The following NFATC2 variants were observed in gnomAD, a reference collection of about 807,000 sequenced individuals.
NFATC2 encodes nuclear factor of activated T cells 2.
In NFATC2, 22 loss-of-function variants were observed where a neutral mutation model predicts 87.3. The observed-to-expected ratio is 0.25, with a 90% confidence interval of 0.18 to 0.36. The LOEUF (loss-of-function observed/expected upper bound fraction) is 0.36, where lower values mean the gene tolerates loss of function less well. Among genes scored for constraint, NFATC2 ranks in the 10% least tolerant of loss-of-function variants. NFATC2 has a pLI of 1.00. For synonymous variants in NFATC2, 565 were observed against 542.2 expected (o/e 1.04, Z -0.58); for missense variants, 1,149 against 1,259.1 (o/e 0.91, Z 1.32).
At chr20:51,532,620 C>G (rs1381741162) in intron 1 of NFATC2, among the ~76,000 whole-genome samples, 1 of 152,230 alleles carries the variant, frequency 6.6e-6, no homozygotes, top group Non-Finnish European at 1.5e-5. Context: ...GCTCTGTGAG[C>G]CTGTTGCTCA....
chr20:51,448,031 A>G (rs74384992), intron 6 of NFATC2, among the ~76,000 whole-genome samples: 3 of 152,202 alleles, frequency 2.0e-5, no homozygotes, highest in East Asian at 3.8e-4. Context: ...CATTCATTCA[A>G]CAACACAAAT....
chr20:51,474,699 C>A (rs1284215230), intron 4 of NFATC2, among the ~76,000 whole-genome samples: 1 of 152,162 alleles, frequency 6.6e-6, no homozygotes, highest in African/African-American at 2.4e-5. Context: ...TCTTTGTACA[C>A]TTCTTGCAGT....
chr20:51,432,039 A>G lies in NFATC2; in HGVS notation c.2722+28T>C. ...AGATGCTTCAGGGCACCATCCTTACAGGCAGTGACAAAACTCAAGCGTCTT... is the reference window on the plus strand; with the variant it reads ...AGATGCTTCAGGGCACCATCCTTACGGGCAGTGACAAAACTCAAGCGTCTT... On this transcript the variant is annotated intron_variant, in intron 9 of 10. Coordinates refer to ENST00000371564, the MANE Select transcript of NFATC2 (RefSeq NM_012340.5). This position sits in a 1 kb window ranked among gnomAD's most constrained non-coding sequence, Gnocchi z 4.6. 6.6e-7 allele frequency: 1 copy of G among 1,510,304 alleles called. No homozygotes were observed. Among genetic ancestry groups the G allele is most frequent in the East Asian group, 2.3e-5 (1 of 43,830 alleles). The allele number at this position is 1,510,304 out of a possible 1,614,324, so 93.6% of individuals were successfully genotyped here.
chr20:51,525,990 T>A (rs2076540025), intron 1 of NFATC2, among the ~76,000 whole-genome samples: 1 of 131,618 alleles, frequency 7.6e-6, no homozygotes, highest in Non-Finnish European at 1.6e-5. Flanking sequence ...TTCGCCGTAC[T>A]TAAGCAGCTC....
intron 1 of NFATC2, among the ~76,000 whole-genome samples, chr20:51,533,518 A>C (rs188969434): frequency 6.6e-5 from 10 of 152,374 alleles, no homozygotes; most frequent in Admixed American, 6.5e-4. Flanking sequence ...CATCTGGATA[A>C]ATCAGGTCCA....
At position 51,542,703 on chromosome 20, in the gene NFATC2, G is replaced by C. The variant is rs2076841968; in HGVS notation, c.-204C>G. The C allele has an allele frequency of 1.9e-6, 2 of 1,080,816 alleles. No homozygotes were observed. The highest frequency in any genetic ancestry group is 2.2e-6 in the Non-Finnish European group (2 of 892,826). 67.0% of individuals were successfully genotyped at this position (1,080,816 alleles called of 1,614,324 possible). On this transcript the variant is annotated 5_prime_UTR_variant, in exon 1 of 11. Coordinates refer to ENST00000371564, the MANE Select transcript of NFATC2 (RefSeq NM_012340.5). The stretch of plus-strand genomic sequence containing the variant: ...GAAGCTGAGCGGCGGCGGCGACGGC[G>C]GCGCGAGCTTCCTGCTCCGGAGGCA...
chr20:51,441,563 A>C (rs1984340620), intron 6 of NFATC2, among the ~76,000 whole-genome samples: 1 of 151,538 alleles, frequency 6.6e-6, no homozygotes, highest in Non-Finnish European at 1.5e-5. Flanking sequence ...TAAAAATACA[A>C]AAAATTAGCT....
chr20:51,398,206 G>A (rs771476287), intron 10 of NFATC2, among the ~76,000 whole-genome samples: 15 of 152,162 alleles, frequency 9.9e-5, no homozygotes, highest in Admixed American at 2.0e-4. Flanking sequence ...TAAGCACAGG[G>A]CGGGGCTTCC....
chr20:51,476,439 G>C (rs1460321746), intron 3 of NFATC2, among the ~76,000 whole-genome samples: 1 of 152,056 alleles, frequency 6.6e-6, no homozygotes, highest in South Asian at 2.1e-4. Flanking sequence ...TTAGCACATA[G>C]AATATATGAA....
At chr20:51,461,204 G>A (rs1169191839) in intron 5 of NFATC2, among the ~76,000 whole-genome samples, 1 of 152,202 alleles carries the variant, frequency 6.6e-6, no homozygotes, top group Non-Finnish European at 1.5e-5. Flanking sequence ...TGGGGTGACA[G>A]GTCCAGGGTG....
intron 1 of NFATC2, among the ~76,000 whole-genome samples, chr20:51,533,113 G>A (rs1446678840): frequency 6.6e-6 from 1 of 152,230 alleles, no homozygotes; most frequent in African/African-American, 2.4e-5. Context: ...TCTGTAGCCG[G>A]AGGAAAGGGG....
rs140002597 is a variant in NFATC2, at chr20:51,523,156, T to C, written c.1085A>G (p.Asn362Ser). Reference sequence around the variant, plus strand: ...CAGCAGGATGGATTCTGGAGCCGAGTTTCTCCTCTCGCCCTGCTCGCAGGG... The same window carrying C: ...CAGCAGGATGGATTCTGGAGCCGAGCTTCTCCTCTCGCCCTGCTCGCAGGG... ...LGPCEQGERR[N>S]SAPESILLVP... is the part of the protein sequence containing the mutation. The change falls in exon 2 of 11, where the codon AAC (asparagine) becomes AGC (serine). Residue 362 changes from asparagine (N) to serine (S), a missense_variant. By Grantham distance (46) the Asn-to-Ser change is conservative. Around this residue, in one of 3 missense-constraint regions of NFATC2, gnomAD observed 563 missense variants for 585.2 expected, o/e 0.96. Transcript: ENST00000371564. The surrounding 1 kb of genome is among the most constrained non-coding windows in gnomAD (Gnocchi z 6.9). 1 of 1,613,986 alleles carries C rather than the reference T, an allele frequency of 6.2e-7. No individual in the cohort carries two copies. The highest frequency in any genetic ancestry group is 1.3e-5 in the African/African-American group (1 of 74,898).
chr20:51,536,819 G>C (rs2076728166), intron 1 of NFATC2, among the ~76,000 whole-genome samples: 1 of 152,166 alleles, frequency 6.6e-6, no homozygotes. Context: ...ACTCAACACA[G>C]AAGGCAATGT....
chr20:51,481,167 TC>T (rs1989221864), intron 3 of NFATC2, among the ~76,000 whole-genome samples: 1 of 152,172 alleles, frequency 6.6e-6, no homozygotes, highest in African/African-American at 2.4e-5. Flanking sequence ...CCTCGCCAGG[TC>T]CCTGGAGGTT....
At chr20:51,548,833 T>C (rs975847760) in intron 1 of NFATC2, among the ~76,000 whole-genome samples, 1 of 152,244 alleles carries the variant, frequency 6.6e-6, no homozygotes, top group African/African-American at 2.4e-5. Context: ...GTCCCTTCTT[T>C]GCTCAGCTTT....
At chr20:51,446,889 C>T (rs1177663277) in intron 6 of NFATC2, among the ~76,000 whole-genome samples, 1 of 152,142 alleles carries the variant, frequency 6.6e-6, no homozygotes, top group Non-Finnish European at 1.5e-5. Context: ...TAGTCATGCC[C>T]CAGCCCTGTC....
intron 9 of NFATC2, among the ~76,000 whole-genome samples, chr20:51,405,062 G>A (rs1478779975): frequency 6.6e-6 from 1 of 152,190 alleles, no homozygotes; most frequent in Non-Finnish European, 1.5e-5. Context: ...CATGTCACTG[G>A]CAGATCAGTT....
At chr20:51,514,396 G>T (rs2076318934) in intron 3 of NFATC2, among the ~76,000 whole-genome samples, 1 of 152,240 alleles carries the variant, frequency 6.6e-6, no homozygotes, top group Admixed American at 6.5e-5. Flanking sequence ...TGCTATGTTT[G>T]TGGCAGCAAA....
At chr20:51,494,008 C>A (rs761897084) in intron 3 of NFATC2, among the ~76,000 whole-genome samples, 2 of 152,074 alleles carry the variant, frequency 1.3e-5, no homozygotes, top group Non-Finnish European at 2.9e-5. Context: ...AAAGATTAGA[C>A]GATATAATGG....
Sources: allele counts gnomAD v4.1 joint callset (sites outside exome capture counted in the v4.1 genomes callset), GRCh38; gene constraint gnomAD v4.1.1; regional missense constraint gnomAD v4.1.1; non-coding constraint Gnocchi (gnomAD v3.1); transcripts MANE v1.5; gene names NCBI Gene and HGNC (gene_info 2026-07-23, HGNC 2026-07-21).